The following STAU1 variants were observed in gnomAD, a reference collection of about 807,000 sequenced individuals.
STAU1 encodes staufen double-stranded RNA binding protein 1.
A neutral mutation model predicts 62.9 loss-of-function variants in STAU1; 13 were observed. The ratio of observed to expected loss-of-function variants is 0.21; its 90% confidence interval spans 0.13 to 0.33. The LOEUF (loss-of-function observed/expected upper bound fraction) is 0.33. STAU1 is among the 10% of genes least tolerant of loss of function. The pLI is 1.00. For missense variants in STAU1, 571 were observed against 712.1 expected (o/e 0.80, Z 2.25); for synonymous variants, 269 against 265.1 (o/e 1.01, Z -0.14).
At chr20:49,186,112 C>A (rs1016668182) in intron 1 of STAU1, among the ~76,000 whole-genome samples, 3 of 152,088 alleles carry the variant, frequency 2.0e-5, no homozygotes, top group African/African-American at 7.2e-5. Context: ...CTTATGGAGG[C>A]CTAGGAGGGT....
At chr20:49,155,659 A>G (rs1034512364) in intron 3 of STAU1, among the ~76,000 whole-genome samples, 1 of 152,222 alleles carries the variant, frequency 6.6e-6, no homozygotes, top group Non-Finnish European at 1.5e-5. Flanking sequence ...ATCTATAAGA[A>G]TATCTTTGGG....
the STAU1 span, among the ~76,000 whole-genome samples, chr20:49,194,232 C>A: frequency 2.7e-3 from 416 of 151,848 alleles, 1 homozygote; most frequent in Middle Eastern, 6.8e-3. Flanking sequence ...ACTTGAGAGA[C>A]CAGCCTGAGA....
At chr20:49,180,084 A>C (rs1484575047) in intron 1 of STAU1, among the ~76,000 whole-genome samples, 1 of 152,242 alleles carries the variant, frequency 6.6e-6, no homozygotes, top group Non-Finnish European at 1.5e-5. Context: ...TTCAAACAAA[A>C]GTAAAACAAA....
intron 4 of STAU1, among the ~76,000 whole-genome samples, chr20:49,153,312 G>A (rs1381626974): frequency 6.8e-6 from 1 of 147,540 alleles, no homozygotes; most frequent in Non-Finnish European, 1.5e-5. Flanking sequence ...TTTAATCCTA[G>A]CACTGCGGGA....
At position 49,158,636 on chromosome 20, in the gene STAU1, C is replaced by T. The variant is rs1016906131; in HGVS notation, c.206-4565G>A. On this transcript the variant is annotated intron_variant, in intron 3 of 13. Transcript: ENST00000371856. ...ACCAGCCTGGCCTACATAGTGAAAC[C>T]CCATCTCTACTAAAAATGCAAAAAT... 3 of 614,468 alleles carry T rather than the reference C, an allele frequency of 4.9e-6. No individual in the cohort carries two copies. In the South Asian group the frequency reaches 5.2e-5, roughly 11 times the overall value. The allele number at this position is 614,468 out of a possible 1,614,324, so 38.1% of individuals were successfully genotyped here.
intron 12 of STAU1, 75 bp from the exon 13 acceptor site, chr20:49,115,942 C>T (rs929496844): frequency 3.1e-6 from 4 of 1,276,202 alleles, no homozygotes; most frequent in Non-Finnish European, 4.5e-6. Context: ...GTCAGGCAGG[C>T]AAGAGAGTTC....
intron 1 of STAU1, among the ~76,000 whole-genome samples, chr20:49,181,732 T>TTCCA (rs919604238): frequency 5.2e-5 from 6 of 116,170 alleles, no homozygotes; most frequent in African/African-American, 1.7e-4. Flanking sequence ...TACCTCTGCA[T>TTCCA]TCCAGCCTGG....
chr20:49,141,742 G>GA (rs886851564), intron 5 of STAU1, among the ~76,000 whole-genome samples: 1 of 151,476 alleles, frequency 6.6e-6, no homozygotes, highest in African/African-American at 2.4e-5. Context: ...TAAAAATACA[G>GA]AAAGTAGCCG....
At chr20:49,134,450 G>T in intron 6 of STAU1, 2 of 493,838 alleles carry the variant, frequency 4.0e-6, no homozygotes, top group Non-Finnish European at 7.0e-6. Context: ...AAAAAAAAAA[G>T]CTCTGGGTTG....
chr20:49,113,674 C>T lies in STAU1; in HGVS notation c.*1204G>A, dbSNP rs1158045827. On this transcript the variant is annotated 3_prime_UTR_variant, in exon 14 of 14. Coordinates refer to ENST00000371856, the MANE Select transcript of STAU1 (RefSeq NM_017453.4). ...GGACCACACGCAGAGCCTCAGTGCA[C>T]ACACTTCTGTGTACAGTAACACAAC... The T allele has an allele frequency of 2.6e-5, 4 of 152,630 alleles. No homozygotes were observed. Among genetic ancestry groups the T allele is most frequent in the Non-Finnish European group, 1.5e-5 (1 of 68,050 alleles). 9.5% of individuals were successfully genotyped at this position (152,630 alleles called of 1,614,324 possible).
intron 7 of STAU1, among the ~76,000 whole-genome samples, 157 bp downstream of exon 7, chr20:49,124,218 C>T (rs1254221824): frequency 1.3e-5 from 2 of 152,222 alleles, no homozygotes; most frequent in Non-Finnish European, 2.9e-5. Flanking sequence ...TCTTACCTAA[C>T]AGGTGGCTCT....
chr20:49,177,316 G>C (rs1250081301), intron 1 of STAU1, among the ~76,000 whole-genome samples: 3 of 151,596 alleles, frequency 2.0e-5, no homozygotes, highest in African/African-American at 7.3e-5. Flanking sequence ...CAGGTGGATC[G>C]CTTGAGCTCA....
intron 5 of STAU1, 40 bp from the exon 6 acceptor site, chr20:49,135,971 T>G (rs201154876): frequency 6.6e-7 from 1 of 1,504,600 alleles, no homozygotes; most frequent in African/African-American, 1.4e-5. Context: ...CTTATTAAAA[T>G]AGTCAATGGC....
chr20:49,183,373 G>T (rs894329205), intron 1 of STAU1, among the ~76,000 whole-genome samples: 28 of 152,106 alleles, frequency 1.8e-4, no homozygotes, highest in Non-Finnish European at 7.3e-5. Flanking sequence ...CAATTTAGAG[G>T]CTCATGAAAA....
chr20:49,125,269 C>T (rs1159211691), intron 6 of STAU1, among the ~76,000 whole-genome samples: 1 of 142,018 alleles, frequency 7.0e-6, no homozygotes, highest in African/African-American at 2.6e-5. Context: ...TGGCTCACAC[C>T]TGTAATCCCA....
chr20:49,196,688 C>T, the STAU1 span, among the ~76,000 whole-genome samples: 1 of 151,288 alleles, frequency 6.6e-6, no homozygotes, highest in Non-Finnish European at 1.5e-5. Flanking sequence ...TCGTTGAAAC[C>T]CAGGAGCCGG....
upstream of STAU1, among the ~76,000 whole-genome samples, chr20:49,193,193 A>G (rs1385606844): frequency 2.0e-5 from 3 of 152,050 alleles, no homozygotes; most frequent in East Asian, 1.9e-4. Flanking sequence ...CCCGGCCAAC[A>G]TGGTGAGATC....
intron 12 of STAU1, 37 bp from the exon 13 acceptor site, chr20:49,115,904 C>T: frequency 6.3e-7 from 1 of 1,578,830 alleles, no homozygotes; most frequent in Non-Finnish European, 8.7e-7. Context: ...GCCACAGCCA[C>T]CGCTTGGGAC....
At chr20:49,118,691 C>T (rs1055918155) in intron 9 of STAU1, among the ~76,000 whole-genome samples, 6 of 152,066 alleles carry the variant, frequency 3.9e-5, no homozygotes, top group Non-Finnish European at 7.3e-5. Flanking sequence ...CACAGGAAGA[C>T]GGGAAGCATT....
Sources: allele counts gnomAD v4.1 joint callset (sites outside exome capture counted in the v4.1 genomes callset), GRCh38; gene constraint gnomAD v4.1.1; transcripts MANE v1.5; gene names NCBI Gene and HGNC (gene_info 2026-07-23, HGNC 2026-07-21).